COMMD1: variants seen among roughly 807,000 people sequenced by gnomAD.
The protein encoded by COMMD1 is COMM domain-containing protein 1.
COMMD1 carries 10 observed loss-of-function variants against 17.2 expected under a neutral mutation model. That is an observed-to-expected ratio of 0.58 (90% CI 0.36 to 0.99). The LOEUF is 0.99. COMMD1 is among the 50% of genes least tolerant of loss of function. The probability of loss-of-function intolerance (pLI) is 0.01; values close to 1 mark genes in which losing one functional copy is unlikely to be tolerated. For missense variants in COMMD1, 270 were observed against 231.8 expected, an observed-to-expected ratio of 1.17 and a Z score of -1.07; for synonymous variants, 97 against 91.6, an observed-to-expected ratio of 1.06 and a Z score of -0.34.
intron 2 of COMMD1, among the ~76,000 whole-genome samples, chr2:62,041,164 G>A (rs951438919): frequency 6.6e-6 from 1 of 152,182 alleles, no homozygotes; most frequent in Non-Finnish European, 1.5e-5. Flanking sequence ...CATTTAGTCA[G>A]TAGATGCCAT....
chr2:62,119,401 A>G (rs1472608111), intron 2 of COMMD1, among the ~76,000 whole-genome samples: 9 of 152,216 alleles, frequency 5.9e-5, no homozygotes, highest in Admixed American at 4.6e-4. Flanking sequence ...AGAGATATAA[A>G]CAGATAGGAA....
chr2:61,975,123 T>C (rs893051396), intron 1 of COMMD1, among the ~76,000 whole-genome samples: 270 of 141,486 alleles, frequency 1.9e-3, no homozygotes, highest in Middle Eastern at 7.8e-3. Flanking sequence ...TCTTTCTTTT[T>C]TTTTTTTTTT....
At chr2:62,053,327 G>A (rs779972258) in intron 2 of COMMD1, among the ~76,000 whole-genome samples, 5 of 151,878 alleles carry the variant, frequency 3.3e-5, no homozygotes, top group Non-Finnish European at 5.9e-5. Context: ...GGTACTCGTC[G>A]TATTTATTTG....
intron 1 of COMMD1, among the ~76,000 whole-genome samples, chr2:61,935,889 T>C (rs1439793955): frequency 6.6e-6 from 1 of 151,992 alleles, no homozygotes. Context: ...CTATCTCAGC[T>C]CACTGCAACT....
chr2:62,007,689 A>G (rs1669159300), intron 2 of COMMD1, among the ~76,000 whole-genome samples: 2 of 152,210 alleles, frequency 1.3e-5, no homozygotes, highest in African/African-American at 4.8e-5. Context: ...AGGCTATACC[A>G]TATAACCTAG....
At position 62,070,449 on chromosome 2, in the gene COMMD1, T is replaced by C. The variant is rs184743721; in HGVS notation, c.463-65382T>C. 226 of 151,278 alleles carry C rather than the reference T, an allele frequency of 1.5e-3. 3 individuals are homozygous for C. The highest frequency in any genetic ancestry group is 5.3e-3 in the African/African-American group (218 of 41,184). 9.4% of individuals were successfully genotyped at this position (151,278 alleles called of 1,614,324 possible). A position where few individuals can be genotyped will look rare whatever the true frequency, so the allele number is the denominator to read the frequency against. ...GATGCTTTCCTGTAATCCCAGTTAC[T>C]GTGGAGGCTGATCACTTGAGCTCAG... On this transcript the variant is annotated intron_variant, in intron 2 of 2. Coordinates refer to ENST00000311832, the MANE Select transcript of COMMD1 (RefSeq NM_152516.4).
At chr2:61,974,342 G>A (rs11885927) in intron 1 of COMMD1, among the ~76,000 whole-genome samples, 22,326 of 151,632 alleles carry the variant, frequency 0.15, 1,741 homozygotes, top group East Asian at 0.22. Context: ...TTTTCATTTA[G>A]CATTGTATCT....
intron 1 of COMMD1, among the ~76,000 whole-genome samples, chr2:61,977,862 G>T (rs570360846): frequency 6.6e-6 from 1 of 151,566 alleles, no homozygotes; most frequent in Admixed American, 6.6e-5. Context: ...GGTGGTGTGT[G>T]CCTGTAATCC....
At chr2:62,021,269 T>C (rs1217220238) in intron 2 of COMMD1, among the ~76,000 whole-genome samples, 1 of 152,194 alleles carries the variant, frequency 6.6e-6, no homozygotes, top group East Asian at 1.9e-4. Flanking sequence ...AACCAGCAAG[T>C]TCTGGCTCCT....
chr2:62,048,064 A>G (rs1670430918), intron 2 of COMMD1, among the ~76,000 whole-genome samples: 1 of 152,190 alleles, frequency 6.6e-6, no homozygotes, highest in African/African-American at 2.4e-5. Context: ...GTGTACCTGC[A>G]AGTGACACAT....
intron 2 of COMMD1, among the ~76,000 whole-genome samples, chr2:62,079,002 T>TG (rs1671440273): frequency 6.6e-6 from 1 of 152,070 alleles, no homozygotes; most frequent in African/African-American, 2.4e-5. Flanking sequence ...TCTGTGTTGA[T>TG]GTTAATATCA....
upstream of COMMD1, among the ~76,000 whole-genome samples, chr2:61,904,020 T>A (rs543542004): frequency 5.3e-4 from 81 of 152,266 alleles, 1 homozygote; most frequent in African/African-American, 1.9e-3. Context: ...TATTATTTTA[T>A]TTTTTTGAGA....
chr2:62,064,877 C>A (rs1274916387), intron 2 of COMMD1, among the ~76,000 whole-genome samples: 1 of 152,268 alleles, frequency 6.6e-6, no homozygotes, highest in East Asian at 1.9e-4. Context: ...TCATAAAAAT[C>A]TATGCTGTGC....
chr2:61,947,389 T>A (rs1670934952), intron 1 of COMMD1, among the ~76,000 whole-genome samples: 1 of 152,140 alleles, frequency 6.6e-6, no homozygotes, highest in Non-Finnish European at 1.5e-5. Flanking sequence ...TTTAAAAAAA[T>A]TTGTACTTTT....
chr2:61,979,912 C>A (rs927147915), intron 1 of COMMD1, among the ~76,000 whole-genome samples: 2 of 113,522 alleles, frequency 1.8e-5, no homozygotes, highest in African/African-American at 6.9e-5. Flanking sequence ...CCCGACCCCA[C>A]CACAGTCCCC....
rs531875813 is a variant in COMMD1 at position 61,948,882 on chromosome 2, A to T, written c.180+43024A>T. 5.3e-5 allele frequency among the ~76,000 whole-genome samples: 8 copies of T among 152,328 alleles called. No homozygotes were observed. In the South Asian group the frequency reaches 1.5e-3, roughly 28 times the overall value. On this transcript the variant is annotated intron_variant, in intron 1 of 2. Transcript: ENST00000311832. ...CTAGGGAAGGAGCAGAATGCCTAAA[A>T]TTCCAGTGACTACAGGGACTTGAGG...
At chr2:61,892,648 C>T (rs966905640) in intron 1 of COMMD1, among the ~76,000 whole-genome samples, 9 of 147,580 alleles carry the variant, frequency 6.1e-5, no homozygotes, top group African/African-American at 1.3e-4. Flanking sequence ...GAGCCGAGAT[C>T]GTGCCATTTC....
intron 2 of COMMD1, among the ~76,000 whole-genome samples, chr2:62,022,180 A>G (rs1421535576): frequency 6.6e-6 from 1 of 152,050 alleles, no homozygotes; most frequent in Non-Finnish European, 1.5e-5. Flanking sequence ...GAGTGTGGGA[A>G]TCCCAACTGG....
intron 1 of COMMD1, among the ~76,000 whole-genome samples, chr2:61,971,743 C>T (rs1030808282): frequency 6.6e-6 from 1 of 151,942 alleles, no homozygotes; most frequent in Non-Finnish European, 1.5e-5. Flanking sequence ...TATTCTTGAT[C>T]TTAAGAATCA....
Sources: gnomAD v4.1 joint callset for allele counts (sites outside exome capture counted in the v4.1 genomes callset) on GRCh38, gnomAD v4.1.1 for gene constraint, MANE v1.5 for transcripts, NCBI Gene and HGNC (gene_info 2026-07-23, HGNC 2026-07-21) for gene names.